Variants in TBC1D1 observed in about 807,000 individuals in gnomAD.
TBC1D1 encodes TBC1 (tre-2/USP6, BUB2, cdc16) domain family, member 1.
In TBC1D1, 89 loss-of-function variants were observed where a neutral mutation model predicts 125.6. That is an observed-to-expected ratio of 0.71 (90% CI 0.60 to 0.85). TBC1D1 has a LOEUF of 0.85. TBC1D1 is among the 40% of genes least tolerant of loss of function. TBC1D1 has a pLI of 0.00. For synonymous variants in TBC1D1, 565 were observed against 564.1 expected (o/e 1.00, Z -0.02); for missense variants, 1,377 against 1,469.2 (o/e 0.94, Z 1.03).
intron 12 of TBC1D1, among the ~76,000 whole-genome samples, chr4:38,059,546 A>T (rs1752380465): frequency 6.8e-6 from 1 of 146,216 alleles, no homozygotes; most frequent in Non-Finnish European, 1.5e-5. Flanking sequence ...TGGCTGCCGC[A>T]GAAACTATAG....
At chr4:38,056,214 A>G (rs918562709) in intron 12 of TBC1D1, among the ~76,000 whole-genome samples, 2 of 152,288 alleles carry the variant, frequency 1.3e-5, no homozygotes, top group African/African-American at 4.8e-5. Context: ...ACAGAGGACC[A>G]TGGAAGCTGC....
chr4:37,911,990 C>T (rs963316397), intron 2 of TBC1D1, among the ~76,000 whole-genome samples: 1 of 152,136 alleles, frequency 6.6e-6, no homozygotes, highest in Admixed American at 6.5e-5. Context: ...TTTGGCTCTT[C>T]CTGAGTATAA....
intron 12 of TBC1D1, among the ~76,000 whole-genome samples, chr4:38,077,720 T>C (rs1021099236): frequency 1.3e-5 from 2 of 151,744 alleles, no homozygotes; most frequent in Non-Finnish European, 2.9e-5. Flanking sequence ...TGGGGAGCCG[T>C]CGTCATCCTT....
At chr4:38,100,865 A>T (rs1485036325) in intron 14 of TBC1D1, among the ~76,000 whole-genome samples, 1 of 152,176 alleles carries the variant, frequency 6.6e-6, no homozygotes, top group Non-Finnish European at 1.5e-5. Flanking sequence ...TAATTGCAAG[A>T]TAGGAACACA....
intron 12 of TBC1D1, among the ~76,000 whole-genome samples, chr4:38,058,746 C>T (rs945341710): frequency 1.3e-5 from 2 of 151,980 alleles, no homozygotes; most frequent in African/African-American, 4.8e-5. Flanking sequence ...GTAAAACACA[C>T]CAACAGTAAT....
intron 2 of TBC1D1, among the ~76,000 whole-genome samples, chr4:37,984,635 G>A (rs1735052155): frequency 6.6e-6 from 1 of 152,056 alleles, no homozygotes; most frequent in South Asian, 2.1e-4. Context: ...CTTGAGGCCA[G>A]GAGTTTGAGA....
intron 18 of TBC1D1, chr4:38,132,783 A>G (rs948948025): frequency 4.9e-6 from 1 of 204,522 alleles, no homozygotes; most frequent in African/African-American, 2.4e-5. Context: ...ATAAATTTTT[A>G]TGTCTTTAAA....
At chr4:37,949,933 G>A (rs990828660) in intron 2 of TBC1D1, among the ~76,000 whole-genome samples, 6 of 151,878 alleles carry the variant, frequency 4.0e-5, no homozygotes, top group African/African-American at 1.2e-4. Flanking sequence ...GATTCCTAAC[G>A]GAGTTGAACC....
intron 2 of TBC1D1, among the ~76,000 whole-genome samples, chr4:37,908,334 T>C (rs1257676725): frequency 6.6e-6 from 1 of 152,088 alleles, no homozygotes; most frequent in Non-Finnish European, 1.5e-5. Flanking sequence ...GACTCCTGAG[T>C]AGCTGGGATT....
intron 12 of TBC1D1, among the ~76,000 whole-genome samples, chr4:38,083,624 T>G (rs577430401): frequency 6.6e-6 from 1 of 152,236 alleles, no homozygotes; most frequent in East Asian, 1.9e-4. Flanking sequence ...CTAGTCAGTT[T>G]TATGCAGATT....
chr4:37,945,247 C>T (rs764242481), intron 2 of TBC1D1, among the ~76,000 whole-genome samples: 1 of 151,980 alleles, frequency 6.6e-6, no homozygotes, highest in East Asian at 1.9e-4. Flanking sequence ...GGTGTGGTGG[C>T]TCATGCCTGT....
rs967908069 is a variant in TBC1D1, at chr4:37,940,914, G to A, written c.417+38402G>A. Among the ~76,000 whole-genome samples, 4 of 152,136 alleles carry A rather than the reference G, an allele frequency of 2.6e-5. No individual in the cohort carries two copies. In the South Asian group the frequency reaches 6.2e-4, roughly 24 times the overall value. ...GGATAAGCTTTTTGATGTGCGGCTG[G>A]GTTCGGTTTGCCAGTATTTTATTGA... On this transcript the variant is annotated intron_variant, in intron 2 of 19. Transcript: ENST00000261439.
At chr4:37,897,023 A>G (rs1223620058) in intron 1 of TBC1D1, among the ~76,000 whole-genome samples, 1 of 152,118 alleles carries the variant, frequency 6.6e-6, no homozygotes, top group Non-Finnish European at 1.5e-5. Context: ...AGACAACTCT[A>G]CTAACAAGAA....
chr4:38,021,711 GA>G lies in TBC1D1; in HGVS notation c.1204del (p.Ile402Ter). On this transcript the variant is annotated frameshift_variant, in exon 6 of 20. Coordinates refer to ENST00000261439, the MANE Select transcript of TBC1D1 (RefSeq NM_015173.4). LOFTEE classifies it high-confidence loss of function. Reference sequence around the variant, plus strand: ...AAAGCCTGCACAAGCTCTGTGAGAGGATAGAGGGTGAGTAGGGGACCCTTTC... The same window carrying G: ...AAAGCCTGCACAAGCTCTGTGAGAGGTAGAGGGTGAGTAGGGGACCCTTTC... 6.4e-7 allele frequency: 1 copy of G among 1,571,134 alleles called. No homozygotes were observed. The highest frequency in any genetic ancestry group is 1.2e-5 in the South Asian group (1 of 85,174).
chr4:38,129,086 G>A (rs1056648103), intron 18 of TBC1D1, among the ~76,000 whole-genome samples: 1 of 152,208 alleles, frequency 6.6e-6, no homozygotes, highest in African/African-American at 2.4e-5. Context: ...CCACACCCGA[G>A]ACCTGCTGAA....
chr4:38,044,620 T>A (rs1749050974), intron 9 of TBC1D1, 130 bp downstream of exon 9: 2 of 991,476 alleles, frequency 2.0e-6, no homozygotes, highest in East Asian at 5.6e-5. Context: ...TTATGTTTTC[T>A]CAGGCTTATA....
intron 12 of TBC1D1, among the ~76,000 whole-genome samples, chr4:38,057,177 T>A (rs993329491): frequency 1.3e-5 from 2 of 152,152 alleles, no homozygotes; most frequent in African/African-American, 4.8e-5. Context: ...GAGATCACCA[T>A]CCATGTCCAC....
intron 2 of TBC1D1, among the ~76,000 whole-genome samples, chr4:37,964,578 C>T (rs1256943188): frequency 4.6e-5 from 7 of 152,212 alleles, no homozygotes; most frequent in Admixed American, 4.6e-4. Context: ...GGCAGCACAG[C>T]TCCTGCTTTG....
chr4:37,943,366 A>T (rs577976376), intron 2 of TBC1D1, among the ~76,000 whole-genome samples: 34 of 152,236 alleles, frequency 2.2e-4, no homozygotes, highest in African/African-American at 7.9e-4. Context: ...GTATTTCCTG[A>T]ATTTGAATGT....
Sources: allele counts gnomAD v4.1 joint callset (sites outside exome capture counted in the v4.1 genomes callset), GRCh38; gene constraint gnomAD v4.1.1; transcripts MANE v1.5; gene names NCBI Gene and HGNC (gene_info 2026-07-23, HGNC 2026-07-21).